TM9SF3: variants seen among roughly 807,000 people sequenced by gnomAD.
TM9SF3 encodes transmembrane 9 superfamily member 3.
In TM9SF3, 14 loss-of-function variants were observed where a neutral mutation model predicts 78.6. That is an observed-to-expected ratio of 0.18 (90% CI 0.12 to 0.28). TM9SF3 has a LOEUF of 0.28. TM9SF3 is among the 10% of genes least tolerant of loss of function. TM9SF3 has a pLI of 1.00. For synonymous variants in TM9SF3, 231 were observed against 241.7 expected (o/e 0.96, Z 0.41); for missense variants, 496 against 721.9 (o/e 0.69, Z 3.59).
rs1564925245 is a variant in TM9SF3 at position 96,520,120 on chromosome 10, T to C, written c.*2143A>G. On this transcript the variant is annotated 3_prime_UTR_variant, in exon 15 of 15. Transcript: ENST00000371142. ...ATACTCCCATCAGACAGACTATGTA[T>C]TGGTATGTTAAAAGTACTTTTGAAT... 1 of 151,856 alleles carries C rather than the reference T, an allele frequency of 6.6e-6. No individual in the cohort carries two copies. The highest frequency in any genetic ancestry group is 1.5e-5 in the Non-Finnish European group (1 of 67,814). 9.4% of individuals were successfully genotyped at this position (151,856 alleles called of 1,614,324 possible).
intron 8 of TM9SF3, among the ~76,000 whole-genome samples, chr10:96,546,539 T>C (rs978022661): frequency 1.3e-5 from 2 of 152,150 alleles, no homozygotes; most frequent in Non-Finnish European, 2.9e-5. Flanking sequence ...AAATTCAAAG[T>C]AGAAGTTGCC....
At chr10:96,532,070 C>T (rs1215617474) in intron 10 of TM9SF3, among the ~76,000 whole-genome samples, 2 of 151,688 alleles carry the variant, frequency 1.3e-5, no homozygotes, top group African/African-American at 2.4e-5. Flanking sequence ...ATTAGCCAGG[C>T]GTGGTGGCGG....
chr10:96,573,498 A>C (rs1047208372), intron 2 of TM9SF3, among the ~76,000 whole-genome samples: 5 of 152,236 alleles, frequency 3.3e-5, no homozygotes, highest in South Asian at 4.1e-4. Flanking sequence ...CTGGAGGTGG[A>C]AACTTGGTAA....
In TM9SF3 at chr10:96,520,270, G is replaced by A. The variant is rs909905007; in HGVS notation, c.*1993C>T. ...GATCTTAAAGGCAAGTAAGAAGGAAGAGAAAATGGAAGTACCAATAAATTA... is the reference window on the plus strand; with the variant it reads ...GATCTTAAAGGCAAGTAAGAAGGAAAAGAAAATGGAAGTACCAATAAATTA... On this transcript the variant is annotated 3_prime_UTR_variant, in exon 15 of 15. Coordinates refer to ENST00000371142, the MANE Select transcript of TM9SF3 (RefSeq NM_020123.4). The A allele has an allele frequency of 2.6e-5, 4 of 151,814 alleles. No individual in the cohort carries two copies. Among genetic ancestry groups the A allele is most frequent in the Non-Finnish European group, 5.9e-5 (4 of 67,768 alleles). The allele number at this position is 151,814 out of a possible 1,614,324, so 9.4% of individuals were successfully genotyped here.
At position 96,585,260 on chromosome 10, in the gene TM9SF3, A is replaced by G. The variant is rs570469567; in HGVS notation, c.102+1474T>C. Among the ~76,000 whole-genome samples the G allele has an allele frequency of 3.4e-4, 52 of 152,296 alleles. No individual in the cohort carries two copies. The Middle Eastern group carries it at 0.02, about 60-fold the overall frequency. On this transcript the variant is annotated intron_variant, in intron 1 of 14. Transcript: ENST00000371142. ...TAAGTGTTTTTTTAATTGGAAATAT[A>G]TTAGTAATAATATCATTAAACAGAA...
chr10:96,565,458 C>G, intron 2 of TM9SF3, 32 bp from the exon 3 acceptor site: 1 of 1,515,308 alleles, frequency 6.6e-7, no homozygotes, highest in Non-Finnish European at 8.7e-7. Flanking sequence ...AATTAGCCCA[C>G]TAGTTTGCAA....
chr10:96,579,238 A>G (rs1225397672), intron 1 of TM9SF3, among the ~76,000 whole-genome samples: 1 of 152,234 alleles, frequency 6.6e-6, no homozygotes, highest in Non-Finnish European at 1.5e-5. Flanking sequence ...GTACCTTTTC[A>G]GAAAAATAAG....
intron 9 of TM9SF3, among the ~76,000 whole-genome samples, chr10:96,535,624 C>T (rs1205926862): frequency 1.3e-5 from 2 of 152,176 alleles, no homozygotes; most frequent in African/African-American, 4.8e-5. Context: ...AACCCTGGAA[C>T]TCAAATTAAT....
At position 96,570,694 on chromosome 10, in the gene TM9SF3, A is replaced by C. The variant is rs552551380; in HGVS notation, c.299-5268T>G. ...AAACCCATTAAAATGTCAGTGAAGG[A>C]ATAAAAAGTATGTTAAGTCCACAGA... is the stretch of plus-strand genomic sequence containing the variant. On this transcript the variant is annotated intron_variant, in intron 2 of 14. Transcript: ENST00000371142. Among the ~76,000 whole-genome samples the C allele has an allele frequency of 1.1e-4, 17 of 152,328 alleles. No individual in the cohort carries two copies. In the South Asian group the frequency reaches 3.5e-3, roughly 32 times the overall value.
intron 2 of TM9SF3, among the ~76,000 whole-genome samples, chr10:96,572,627 C>A (rs368556708): frequency 6.6e-6 from 1 of 151,026 alleles, no homozygotes; most frequent in Admixed American, 6.6e-5. Flanking sequence ...CCTGGGTTCA[C>A]GCCATTCTCC....
In TM9SF3 at chr10:96,576,621, A is replaced by T. The variant is rs903637634; in HGVS notation, c.298+13T>A. ...TCCAAATTGCATTGTAAGGACTATTAAGGTTTACTTACCTTTAAATTTAAT... is the reference window on the plus strand; with the variant it reads ...TCCAAATTGCATTGTAAGGACTATTTAGGTTTACTTACCTTTAAATTTAAT... On this transcript the variant is annotated intron_variant, in intron 2 of 14. Transcript: ENST00000371142. 6.4e-7 allele frequency: 1 copy of T among 1,570,478 alleles called. No homozygotes were observed. Among genetic ancestry groups the T allele is most frequent in the African/African-American group, 1.4e-5 (1 of 72,556 alleles).
At chr10:96,560,641 A>AT in intron 4 of TM9SF3, 1 of 636,740 alleles carries the variant, frequency 1.6e-6, no homozygotes. Context: ...GTTCCACAGA[A>AT]AAAAGTAAAA....
intron 4 of TM9SF3, among the ~76,000 whole-genome samples, chr10:96,561,577 T>G (rs918609187): frequency 6.6e-6 from 1 of 152,186 alleles, no homozygotes; most frequent in African/African-American, 2.4e-5. Flanking sequence ...GAGCAATCCA[T>G]GATAAACTAC....
At chr10:96,529,243 C>A (rs779190276) in intron 11 of TM9SF3, among the ~76,000 whole-genome samples, 21 of 152,160 alleles carry the variant, frequency 1.4e-4, no homozygotes, top group Non-Finnish European at 2.4e-4. Flanking sequence ...ATAGCATATG[C>A]AGAGCTGGTA....
intron 2 of TM9SF3, among the ~76,000 whole-genome samples, chr10:96,572,315 C>G (rs1848445542): frequency 6.6e-6 from 1 of 151,642 alleles, no homozygotes; most frequent in African/African-American, 2.4e-5. Flanking sequence ...AATACGAGAT[C>G]AAAGAGGTTG....
intron 4 of TM9SF3, chr10:96,560,847 T>C (rs1589457510): frequency 3.7e-6 from 2 of 537,830 alleles, no homozygotes; most frequent in East Asian, 9.5e-5. Flanking sequence ...GAAAAAAAAT[T>C]CCTAAAACAC....
At position 96,520,619 on chromosome 10, in the gene TM9SF3, G is replaced by A; in HGVS notation, c.*1644C>T. Reference sequence around the variant, plus strand: ...AAACTATTAAACTAGAAACTCAGTGGTTCTAGGAAAACTTCATATTATGAA... The same window carrying A: ...AAACTATTAAACTAGAAACTCAGTGATTCTAGGAAAACTTCATATTATGAA... On this transcript the variant is annotated 3_prime_UTR_variant, in exon 15 of 15. Transcript: ENST00000371142. 1 of 350,498 alleles carries A rather than the reference G, an allele frequency of 2.9e-6. No homozygotes were observed. Among genetic ancestry groups the A allele is most frequent in the Non-Finnish European group, 5.1e-6 (1 of 195,452 alleles). 21.7% of individuals were successfully genotyped at this position (350,498 alleles called of 1,614,324 possible). A position where few individuals can be genotyped will look rare whatever the true frequency, so the allele number is the denominator to read the frequency against.
chr10:96,532,051 A>C (rs1250935495), intron 10 of TM9SF3, among the ~76,000 whole-genome samples: 2 of 152,008 alleles, frequency 1.3e-5, no homozygotes, highest in Non-Finnish European at 1.5e-5. Flanking sequence ...TCTACTAAAA[A>C]TACAAAAAAT....
At chr10:96,564,676 A>G (rs1291251802) in intron 3 of TM9SF3, among the ~76,000 whole-genome samples, 1 of 152,210 alleles carries the variant, frequency 6.6e-6, no homozygotes, top group African/African-American at 2.4e-5. Flanking sequence ...ATTTCCAGAG[A>G]CAAAAGAAAG....
Sources: gnomAD v4.1 joint callset for allele counts (sites outside exome capture counted in the v4.1 genomes callset) on GRCh38, gnomAD v4.1.1 for gene constraint, MANE v1.5 for transcripts, NCBI Gene and HGNC (gene_info 2026-07-23, HGNC 2026-07-21) for gene names.